PCDH9: variants seen among roughly 807,000 people sequenced by gnomAD.
PCDH9 encodes protocadherin 9.
PCDH9 carries 24 observed loss-of-function variants against 70.6 expected under a neutral mutation model. The ratio of observed to expected loss-of-function variants is 0.34; its 90% confidence interval spans 0.25 to 0.48. PCDH9 has a LOEUF of 0.48. PCDH9 is among the 20% of genes least tolerant of loss of function. The pLI, the probability that PCDH9 is intolerant of heterozygous loss-of-function variation, is 0.99. For synonymous variants in PCDH9, 562 were observed against 558.5 expected (o/e 1.01, Z -0.09); for missense variants, 1,281 against 1,503.6 (o/e 0.85, Z 2.45).
At chr13:67,006,145 T>G (rs1003055563) in intron 2 of PCDH9, among the ~76,000 whole-genome samples, 3 of 152,158 alleles carry the variant, frequency 2.0e-5, no homozygotes, top group African/African-American at 7.2e-5. Context: ...GAGAATGGCG[T>G]GAACCCGGGA....
At chr13:66,786,425 T>C (rs1174702648) in intron 3 of PCDH9, among the ~76,000 whole-genome samples, 1 of 152,136 alleles carries the variant, frequency 6.6e-6, no homozygotes, top group Admixed American at 6.6e-5. Flanking sequence ...CTCCTATGCA[T>C]CAAGAAAACT....
chr13:66,885,221 A>G lies in PCDH9; in HGVS notation c.3138+18283T>C, dbSNP rs139120009. 1.4e-4 allele frequency among the ~76,000 whole-genome samples: 22 copies of G among 152,294 alleles called. No individual in the cohort carries two copies. The East Asian group carries it at 3.9e-3, about 27-fold the overall frequency. ...CTCCTTGATATATCAGCCTGAATCT[A>G]TCTCAACTTCTACTCTTCTTCCAAC... On this transcript the variant is annotated intron_variant, in intron 3 of 4. Coordinates refer to ENST00000377865, the MANE Select transcript of PCDH9 (RefSeq NM_203487.3).
At chr13:67,067,178 T>C (rs572302896) in intron 2 of PCDH9, among the ~76,000 whole-genome samples, 2 of 152,272 alleles carry the variant, frequency 1.3e-5, no homozygotes, top group South Asian at 2.1e-4. Context: ...TTCAATTTAA[T>C]TGTGGGAGAA....
intron 4 of PCDH9, among the ~76,000 whole-genome samples, chr13:66,404,177 A>G (rs1175560448): frequency 3.9e-5 from 6 of 152,196 alleles, no homozygotes; most frequent in Non-Finnish European, 7.4e-5. Context: ...GAAAGTAGAC[A>G]TAAATAGAGG....
At chr13:66,900,285 T>A (rs917670579) in intron 3 of PCDH9, among the ~76,000 whole-genome samples, 1 of 151,886 alleles carries the variant, frequency 6.6e-6, no homozygotes, top group Non-Finnish European at 1.5e-5. Flanking sequence ...ATCTGTAGAA[T>A]AAGAATAATA....
At chr13:66,921,426 T>C (rs2082634672) in intron 2 of PCDH9, among the ~76,000 whole-genome samples, 1 of 151,240 alleles carries the variant, frequency 6.6e-6, no homozygotes, top group African/African-American at 2.4e-5. Flanking sequence ...CGTGAGCATG[T>C]TCTGTTGCCT....
chr13:66,972,234 C>A (rs1005755588), intron 2 of PCDH9, among the ~76,000 whole-genome samples: 8 of 151,848 alleles, frequency 5.3e-5, no homozygotes, highest in African/African-American at 1.9e-4. Context: ...CATAGAATTA[C>A]TGAAAGATAT....
chr13:66,888,948 T>C (rs1025152883), intron 3 of PCDH9, among the ~76,000 whole-genome samples: 13 of 152,212 alleles, frequency 8.5e-5, no homozygotes, highest in African/African-American at 3.1e-4. Flanking sequence ...TAAGAAGTTT[T>C]GCCATAGTGA....
chr13:66,704,230 T>G (rs547738816), intron 3 of PCDH9, among the ~76,000 whole-genome samples: 148 of 152,312 alleles, frequency 9.7e-4, no homozygotes, highest in African/African-American at 3.2e-3. Context: ...TTTGATATGT[T>G]CAATTACGAA....
At chr13:66,482,630 G>A (rs1958862161) in intron 4 of PCDH9, among the ~76,000 whole-genome samples, 1 of 152,202 alleles carries the variant, frequency 6.6e-6, no homozygotes, top group Non-Finnish European at 1.5e-5. Context: ...CACATCCTGG[G>A]AGAGCTGTTG....
intron 4 of PCDH9, among the ~76,000 whole-genome samples, chr13:66,576,855 C>G (rs1593712547): frequency 6.6e-6 from 1 of 152,078 alleles, no homozygotes; most frequent in South Asian, 2.1e-4. Flanking sequence ...AAAACAGGTA[C>G]AACTCATCAG....
chr13:67,173,092 A>T (rs992461199), intron 2 of PCDH9, among the ~76,000 whole-genome samples: 1 of 152,100 alleles, frequency 6.6e-6, no homozygotes, highest in Non-Finnish European at 1.5e-5. Context: ...AATACCAATT[A>T]AAAAAATTTT....
chr13:66,355,300 ATG>A (rs1956363104), intron 4 of PCDH9, among the ~76,000 whole-genome samples: 1 of 152,116 alleles, frequency 6.6e-6, no homozygotes, highest in African/African-American at 2.4e-5. Flanking sequence ...AGTCACAGAC[ATG>A]CGCATACTGG....
intron 3 of PCDH9, among the ~76,000 whole-genome samples, chr13:66,671,992 G>T (rs2078181510): frequency 6.6e-6 from 1 of 152,172 alleles, no homozygotes; most frequent in Non-Finnish European, 1.5e-5. Flanking sequence ...GCATGTCAGA[G>T]GTCTTCACAG....
intron 4 of PCDH9, among the ~76,000 whole-genome samples, chr13:66,500,885 C>T (rs532097462): frequency 1.3e-5 from 2 of 152,174 alleles, no homozygotes; most frequent in South Asian, 4.1e-4. Flanking sequence ...AGGGCAATTA[C>T]TTGCCCTTTT....
At chr13:66,870,508 C>A (rs1485243088) in intron 3 of PCDH9, among the ~76,000 whole-genome samples, 1 of 151,986 alleles carries the variant, frequency 6.6e-6, no homozygotes, top group African/African-American at 2.4e-5. Context: ...GGCTAATATC[C>A]AGAATCTACA....
chr13:66,738,863 G>C lies in PCDH9; in HGVS notation c.3139-107452C>G, dbSNP rs1044466052. On this transcript the variant is annotated intron_variant, in intron 3 of 4. Transcript: ENST00000377865. ...ATGTGAAAAGACCAAATCTACGTCT[G>C]ATTGGTGTACCTGAAAGTGATGCGG... Among the ~76,000 whole-genome samples, 121 of 150,856 alleles carry C rather than the reference G, an allele frequency of 8.0e-4. 2 individuals are homozygous for C. The highest frequency in any genetic ancestry group is 2.1e-4 in the South Asian group (1 of 4,732).
chr13:66,996,634 T>A (rs539961246), intron 2 of PCDH9, among the ~76,000 whole-genome samples: 1 of 152,340 alleles, frequency 6.6e-6, no homozygotes, highest in South Asian at 2.1e-4. Context: ...ATGTGTATGC[T>A]CAGTGCCTAG....
At chr13:66,544,850 T>C (rs902641853) in intron 4 of PCDH9, among the ~76,000 whole-genome samples, 8 of 152,088 alleles carry the variant, frequency 5.3e-5, no homozygotes, top group Non-Finnish European at 1.2e-4. Context: ...ATTGTTTTCC[T>C]CTCCATATGG....
Sources: allele counts gnomAD v4.1 joint callset (sites outside exome capture counted in the v4.1 genomes callset), GRCh38; gene constraint gnomAD v4.1.1; transcripts MANE v1.5; gene names NCBI Gene and HGNC (gene_info 2026-07-23, HGNC 2026-07-21).